The following CROT variants were observed in gnomAD, a reference collection of about 807,000 sequenced individuals.
The protein encoded by CROT is carnitine O-octanoyltransferase, also known as peroxisomal carnitine O-octanoyltransferase.
Under a neutral mutation model 89.2 loss-of-function variants are expected in CROT, and 84 were observed. The observed-to-expected ratio is 0.94, with a 90% CI of 0.79 to 1.13. The LOEUF (loss-of-function observed/expected upper bound fraction) is 1.13, where lower values mean the gene tolerates loss of function less well. Among genes scored for constraint, CROT ranks in the 50% most tolerant of loss-of-function variants. CROT has a pLI of 0.00. For missense variants in CROT, 711 were observed against 727.8 expected (o/e 0.98, Z 0.27); for synonymous variants, 212 against 239.5 (o/e 0.89, Z 1.06).
chr7:87,393,161 T>G, intron 17 of CROT, 94 bp downstream of exon 17: 1 of 1,317,532 alleles, frequency 7.6e-7, no homozygotes, highest in Non-Finnish European at 1.0e-6. Flanking sequence ...GATTCTTATA[T>G]TGCCATCTGT....
rs1038424052 is a variant in CROT at position 87,366,600 on chromosome 7, G to C, written c.548-2776G>C. ...GTACTCCAACTCAGCTGTTCCTTTGGCCACATTGTGATTTACAGTTTAATG... is the reference window on the plus strand; with the variant it reads ...GTACTCCAACTCAGCTGTTCCTTTGCCCACATTGTGATTTACAGTTTAATG... On this transcript the variant is annotated intron_variant, in intron 6 of 17. Transcript: ENST00000331536. Among the ~76,000 whole-genome samples, 27 of 152,014 alleles carry C rather than the reference G, an allele frequency of 1.8e-4. 1 individual carries two copies. Among genetic ancestry groups the C allele is most frequent in the Non-Finnish European group, 4.4e-5 (3 of 68,026 alleles).
At chr7:87,365,033 G>C (rs1806393843) in intron 6 of CROT, among the ~76,000 whole-genome samples, 1 of 152,188 alleles carries the variant, frequency 6.6e-6, no homozygotes, top group African/African-American at 2.4e-5. Flanking sequence ...GCCCATTTGA[G>C]ATGTGTGTTC....
chr7:87,396,246 T>C (rs972879862), intron 17 of CROT, among the ~76,000 whole-genome samples: 6 of 152,302 alleles, frequency 3.9e-5, no homozygotes, highest in African/African-American at 1.4e-4. Context: ...CTGAGCAATA[T>C]AGTAAGACCT....
At chr7:87,380,395 G>GCCTATTTTATAAACC (rs780945012) in intron 10 of CROT, among the ~76,000 whole-genome samples, 3 of 151,264 alleles carry the variant, frequency 2.0e-5, no homozygotes, top group Non-Finnish European at 3.0e-5. Context: ...TAGATCCTTG[G>GCCTATTTTATAAACC]TAAGTACTGT....
At chr7:87,371,183 T>G (rs1207186010) in intron 7 of CROT, among the ~76,000 whole-genome samples, 1 of 152,228 alleles carries the variant, frequency 6.6e-6, no homozygotes, top group African/African-American at 2.4e-5. Context: ...GATAATTTCC[T>G]ATGTTCTAGA....
chr7:87,393,172 C>T, intron 17 of CROT, 105 bp downstream of exon 17: 1 of 1,207,406 alleles, frequency 8.3e-7, no homozygotes, highest in African/African-American at 1.5e-5. Flanking sequence ...TGCCATCTGT[C>T]ACTTGCTACA....
In CROT at chr7:87,382,001, T is replaced by G; in HGVS notation, c.1062+8T>G. ...AATGAAGGAAGATGGAAGGTATGTTTGAATAAATATTTCATCTTTTTTCTC... is the reference window on the plus strand; with the variant it reads ...AATGAAGGAAGATGGAAGGTATGTTGGAATAAATATTTCATCTTTTTTCTC... On this transcript the variant is annotated splice_region_variant and intron_variant, in intron 11 of 17. Transcript: ENST00000331536. 2 of 1,593,200 alleles carry G rather than the reference T, an allele frequency of 1.3e-6. No homozygotes were observed.
intron 4 of CROT, 156 bp downstream of exon 4, chr7:87,359,486 G>A: frequency 7.2e-7 from 1 of 1,384,676 alleles, no homozygotes; most frequent in Non-Finnish European, 9.3e-7. Context: ...AACTTTGGGA[G>A]TTTTCAGTGG....
chr7:87,364,128 T>C (rs1008306999), intron 6 of CROT, among the ~76,000 whole-genome samples: 3 of 152,110 alleles, frequency 2.0e-5, no homozygotes, highest in African/African-American at 7.2e-5. Context: ...GAAATGTACA[T>C]AGGCAGTTGG....
At position 87,349,183 on chromosome 7, in the gene CROT, G is replaced by T; in HGVS notation, c.115G>T (p.Val39Leu). 10 of 1,462,854 alleles carry T rather than the reference G, an allele frequency of 6.8e-6. No individual in the cohort carries two copies. The highest frequency in any genetic ancestry group is 9.5e-6 in the Non-Finnish European group (10 of 1,053,524). 90.6% of individuals were successfully genotyped at this position (1,462,854 alleles called of 1,614,324 possible). Residue 39 changes from valine to leucine, a missense_variant and splice_region_variant, in exon 3 of 18, where the codon GTG becomes TTG. Physicochemically the swap from Val to Leu is conservative, Grantham distance 32. Coordinates refer to ENST00000331536, the MANE Select transcript of CROT (RefSeq NM_021151.4). ...EESLKKYLESVKPFANQEEYK... is the reference protein window; with the variant it reads ...EESLKKYLESLKPFANQEEYK... ...ATCATTAAAAAAATACCTTGAATCA[G>T]GTATGTTAATAATCTTTTAGTATAT...
At chr7:87,379,523 A>G (rs1415716680) in intron 10 of CROT, among the ~76,000 whole-genome samples, 1 of 152,220 alleles carries the variant, frequency 6.6e-6, no homozygotes, top group African/African-American at 2.4e-5. Flanking sequence ...TTTTACTAAT[A>G]GCACCAGTAT....
chr7:87,394,849 G>A (rs76368294), intron 17 of CROT, among the ~76,000 whole-genome samples: 1 of 152,102 alleles, frequency 6.6e-6, no homozygotes, highest in Non-Finnish European at 1.5e-5. Flanking sequence ...TTTAGAAAGA[G>A]GTTTGGCTTT....
chr7:87,379,823 T>C (rs1180947073), intron 10 of CROT, among the ~76,000 whole-genome samples: 2 of 152,136 alleles, frequency 1.3e-5, no homozygotes, highest in Non-Finnish European at 2.9e-5. Context: ...GTGAAATACA[T>C]ATGCTGTAGG....
intron 3 of CROT, among the ~76,000 whole-genome samples, chr7:87,355,396 G>A (rs1397282250): frequency 2.6e-5 from 4 of 151,886 alleles, no homozygotes; most frequent in South Asian, 4.2e-4. Context: ...CACTGGGCCC[G>A]GCCAAAAGTA....
chr7:87,395,439 C>T (rs1454462327), intron 17 of CROT, among the ~76,000 whole-genome samples: 1 of 152,148 alleles, frequency 6.6e-6, no homozygotes, highest in Non-Finnish European at 1.5e-5. Context: ...TTCAATCAAA[C>T]CAAGTTGACA....
chr7:87,366,355 G>T (rs1231399706), intron 6 of CROT, among the ~76,000 whole-genome samples: 2 of 150,128 alleles, frequency 1.3e-5, no homozygotes, highest in African/African-American at 2.5e-5. Context: ...TAGCCTTTTT[G>T]GGGAAAAAAA....
chr7:87,364,880 C>T (rs755255511), intron 6 of CROT, among the ~76,000 whole-genome samples: 2 of 152,002 alleles, frequency 1.3e-5, no homozygotes, highest in Non-Finnish European at 2.9e-5. Flanking sequence ...CTTTTTATTG[C>T]TTATGTTTTT....
chr7:87,362,642 A>ATT (rs10717710), intron 6 of CROT, among the ~76,000 whole-genome samples: 5 of 148,450 alleles, frequency 3.4e-5, no homozygotes, highest in South Asian at 4.3e-4. Flanking sequence ...TGACTCATCA[A>ATT]TTTTTTTTTT....
chr7:87,393,193 T>A, intron 17 of CROT, 126 bp downstream of exon 17: 1 of 1,066,392 alleles, frequency 9.4e-7, no homozygotes, highest in Non-Finnish European at 1.3e-6. Context: ...TAAGTAACTA[T>A]TTTTTTCCAC....
Sources: gnomAD v4.1 joint callset for allele counts (sites outside exome capture counted in the v4.1 genomes callset) on GRCh38, gnomAD v4.1.1 for gene constraint, MANE v1.5 for transcripts, NCBI Gene and HGNC (gene_info 2026-07-23, HGNC 2026-07-21) for gene names.